HACE1: variants seen among roughly 807,000 people sequenced by gnomAD.
The protein encoded by HACE1 is HECT domain and ankyrin repeat containing E3 ubiquitin protein ligase 1, also known as E3 ubiquitin-protein ligase HACE1.
In HACE1, 73 loss-of-function variants were observed where a neutral mutation model predicts 118.4. The observed-to-expected ratio is 0.62, with a 90% CI of 0.51 to 0.75. The LOEUF (loss-of-function observed/expected upper bound fraction) is 0.75. Ranked by LOEUF, HACE1 falls within the 30% of genes least tolerant of loss-of-function variation. The pLI is 0.00. For synonymous variants in HACE1, 368 were observed against 374.8 expected (o/e 0.98, Z 0.21); for missense variants, 749 against 1,102.2 (o/e 0.68, Z 4.54).
chr6:104,847,878 C>T (rs763169518), intron 4 of HACE1, among the ~76,000 whole-genome samples: 3 of 151,828 alleles, frequency 2.0e-5, no homozygotes, highest in African/African-American at 7.3e-5. Flanking sequence ...AATGCAATGG[C>T]GCAATCTCCA....
At chr6:104,762,567 G>A (rs529277346) in intron 19 of HACE1, among the ~76,000 whole-genome samples, 91 of 152,218 alleles carry the variant, frequency 6.0e-4, no homozygotes, top group African/African-American at 1.9e-3. Context: ...GGGGCTAGAG[G>A]AGGGATAACA....
intron 5 of HACE1, among the ~76,000 whole-genome samples, chr6:104,836,415 C>A (rs1044722866): frequency 6.6e-6 from 1 of 151,966 alleles, no homozygotes; most frequent in Non-Finnish European, 1.5e-5. Context: ...ATACAAACTG[C>A]GAAGAAAGAA....
chr6:104,826,944 A>G (rs543901469), intron 6 of HACE1, among the ~76,000 whole-genome samples: 2 of 152,356 alleles, frequency 1.3e-5, no homozygotes, highest in Admixed American at 1.3e-4. Context: ...AGGAACCGCA[A>G]AAGAAAAGCA....
At chr6:104,850,655 A>G (rs548397504) in intron 3 of HACE1, among the ~76,000 whole-genome samples, 3 of 152,382 alleles carry the variant, frequency 2.0e-5, no homozygotes, top group South Asian at 4.1e-4. Flanking sequence ...CATCCAGGAA[A>G]GACAATCTCC....
At position 104,771,851 on chromosome 6, in the gene HACE1, C is replaced by T; in HGVS notation, c.2014+74G>A. 3.0e-6 allele frequency: 3 copies of T among 1,015,524 alleles called. No individual in the cohort carries two copies. In the East Asian group the frequency reaches 7.5e-5, roughly 25 times the overall value. 62.9% of individuals were successfully genotyped at this position (1,015,524 alleles called of 1,614,324 possible). On this transcript the variant is annotated intron_variant, in intron 18 of 23. Coordinates refer to ENST00000262903, the MANE Select transcript of HACE1 (RefSeq NM_020771.4). ...AATTATCTCATCCAAAATACTACTGCTTATCTAGTTTTCCTCAAACTGAAA... is the reference window on the plus strand; with the variant it reads ...AATTATCTCATCCAAAATACTACTGTTTATCTAGTTTTCCTCAAACTGAAA...
chr6:104,848,466 A>G lies in HACE1; in HGVS notation c.326+676T>C, dbSNP rs1243877088. On this transcript the variant is annotated intron_variant, in intron 4 of 23. Coordinates refer to ENST00000262903, the MANE Select transcript of HACE1 (RefSeq NM_020771.4). ...TGAGACCCCATCTCAAAAAAAAAAA[A>G]AAAGAAAGAGTTTATAAAATATAAG... Among the ~76,000 whole-genome samples the G allele has an allele frequency of 4.0e-5, 6 of 151,872 alleles. No individual in the cohort carries two copies. In the East Asian group the frequency reaches 7.8e-4, roughly 20 times the overall value.
chr6:104,740,541 A>G (rs1223028442), intron 22 of HACE1, among the ~76,000 whole-genome samples: 1 of 152,160 alleles, frequency 6.6e-6, no homozygotes, highest in Non-Finnish European at 1.5e-5. Flanking sequence ...CCTCTATGCA[A>G]ATAAACTAGA....
intron 19 of HACE1, among the ~76,000 whole-genome samples, chr6:104,758,228 C>T: frequency 6.6e-6 from 1 of 151,982 alleles, no homozygotes; most frequent in South Asian, 2.1e-4. Context: ...AGAAGAGCAA[C>T]CCCAAGACAT....
rs12194199 is a variant in HACE1, at chr6:104,833,334, T to C, written c.403-161A>G. ...TAAAACTAAAGGTATTTTAAGTCCA[T>C]GTCATTTTTTTCCTTTTTTAAATTT... On this transcript the variant is annotated intron_variant, in intron 5 of 23. Transcript: ENST00000262903. Among the ~76,000 whole-genome samples, 867 of 152,336 alleles carry C rather than the reference T, an allele frequency of 5.7e-3. 7 individuals are homozygous for C. The highest frequency in any genetic ancestry group is 9.9e-3 in the Non-Finnish European group (671 of 68,028).
chr6:104,761,248 C>A (rs1779323124), intron 19 of HACE1, among the ~76,000 whole-genome samples: 1 of 152,074 alleles, frequency 6.6e-6, no homozygotes. Flanking sequence ...CATGACAATC[C>A]TGGGCAAGAA....
At chr6:104,825,081 CA>C (rs575106170) in intron 6 of HACE1, among the ~76,000 whole-genome samples, 199 of 92,752 alleles carry the variant, frequency 2.1e-3, no homozygotes, top group Non-Finnish European at 2.3e-3. Flanking sequence ...GACTCCGTCT[CA>C]AAAAAAAAAA....
At chr6:104,852,858 A>G (rs1186993181) in intron 1 of HACE1, among the ~76,000 whole-genome samples, 1 of 152,190 alleles carries the variant, frequency 6.6e-6, no homozygotes, top group African/African-American at 2.4e-5. Context: ...TAATTTTAAA[A>G]CCTTAAATAT....
chr6:104,853,600 A>G (rs908532312), intron 1 of HACE1, among the ~76,000 whole-genome samples: 2 of 152,210 alleles, frequency 1.3e-5, no homozygotes, highest in Non-Finnish European at 2.9e-5. Context: ...GAGAAACAAG[A>G]TATTTACACA....
intron 22 of HACE1, among the ~76,000 whole-genome samples, chr6:104,734,333 G>A (rs557541980): frequency 1.3e-4 from 20 of 151,902 alleles, no homozygotes; most frequent in East Asian, 3.9e-4. Context: ...GTAAGGTTGC[G>A]CTAAATTATA....
At chr6:104,733,078 G>A (rs568014503) in intron 22 of HACE1, among the ~76,000 whole-genome samples, 3 of 152,146 alleles carry the variant, frequency 2.0e-5, no homozygotes, top group Admixed American at 2.0e-4. Context: ...AATTAATAAC[G>A]TGACCAAACA....
Position 104,785,242 on chromosome 6 carries a change from G to T in HACE1, c.1152C>A (p.Asp384Glu). The T allele has an allele frequency of 6.2e-7, 1 of 1,612,112 alleles. No individual in the cohort carries two copies. ...IATELMKNKR[D>E]STEITSILLK... ...GTAAAATAGAAGTGATCTCTGTTGAGTCTCTTTTGTTTTTCATCAATTCTG... is the reference window on the plus strand; with the variant it reads ...GTAAAATAGAAGTGATCTCTGTTGATTCTCTTTTGTTTTTCATCAATTCTG... Residue 384 changes from aspartate to glutamate, a missense_variant, in exon 12 of 24, where the codon GAC becomes GAA. By Grantham distance (45) the Asp-to-Glu change is conservative. This residue lies in a region of HACE1 where 267 missense variants were observed against 312.2 expected (regional missense o/e 0.86). Transcript: ENST00000262903.
In HACE1 at chr6:104,850,394, C is replaced by G. The variant is rs1776085798; in HGVS notation, c.221+513G>C. 5.3e-5 allele frequency among the ~76,000 whole-genome samples: 8 copies of G among 152,270 alleles called. No individual in the cohort carries two copies. The South Asian group carries it at 1.5e-3, about 28-fold the overall frequency. On this transcript the variant is annotated intron_variant, in intron 3 of 23. Coordinates refer to ENST00000262903, the MANE Select transcript of HACE1 (RefSeq NM_020771.4). ...AATACTTCAAAGAAACCATATGATA[C>G]TTTCAACCTTCTGGCCTTTCGTAAG...
rs1028883882 is a variant in HACE1 at position 104,859,684 on chromosome 6, A to C, written c.-42T>G. On this transcript the variant is annotated 5_prime_UTR_variant, in exon 1 of 24. Transcript: ENST00000262903. ...GCGATCCTCCGCGATCAGCCGCCCCACCGGCGGCCTCCGCGCCCAGAGCCC... is the reference window on the plus strand; with the variant it reads ...GCGATCCTCCGCGATCAGCCGCCCCCCCGGCGGCCTCCGCGCCCAGAGCCC... 7 of 1,498,096 alleles carry C rather than the reference A, an allele frequency of 4.7e-6. No homozygotes were observed. The African/African-American group carries it at 1.0e-4, about 21-fold the overall frequency. The allele number at this position is 1,498,096 out of a possible 1,614,324, so 92.8% of individuals were successfully genotyped here. A position where few individuals can be genotyped will look rare whatever the true frequency, so the allele number is the denominator to read the frequency against.
chr6:104,771,777 T>C lies in HACE1; in HGVS notation c.2014+148A>G. On this transcript the variant is annotated intron_variant, in intron 18 of 23. Coordinates refer to ENST00000262903, the MANE Select transcript of HACE1 (RefSeq NM_020771.4). ...AAAAGGTAGGTCATTTTTTTCTCCT[T>C]CAAACCCCGAATGGCTTACATATAC... The C allele has an allele frequency of 8.3e-6, 5 of 601,522 alleles. No homozygotes were observed. The South Asian group carries it at 1.2e-4, about 15-fold the overall frequency. The allele number at this position is 601,522 out of a possible 1,614,324, so 37.3% of individuals were successfully genotyped here. A position where few individuals can be genotyped will look rare whatever the true frequency, so the allele number is the denominator to read the frequency against.
Sources: allele counts gnomAD v4.1 joint callset (sites outside exome capture counted in the v4.1 genomes callset), GRCh38; gene constraint gnomAD v4.1.1; regional missense constraint gnomAD v4.1.1; transcripts MANE v1.5; gene names NCBI Gene and HGNC (gene_info 2026-07-23, HGNC 2026-07-21).